Variants in ABCA13 observed in about 807,000 individuals in gnomAD.
The protein encoded by ABCA13 is ATP binding cassette subfamily A member 13.
In ABCA13, 476 loss-of-function variants were observed where a neutral mutation model predicts 478.7. The ratio of observed to expected loss-of-function variants is 0.99; its 90% CI spans 0.92 to 1.07. ABCA13 has a LOEUF of 1.07. ABCA13 is among the 50% of genes least tolerant of loss of function. ABCA13 has a pLI of 0.00. For missense variants in ABCA13, 6,060 were observed against 5,910.6 expected, an observed-to-expected ratio of 1.03 and a Z score of -0.83; for synonymous variants, 2,252 against 2,158.9, an observed-to-expected ratio of 1.04 and a Z score of -1.20.
At chr7:48,280,613 C>T (rs1033810877) in intron 18 of ABCA13, among the ~76,000 whole-genome samples, 2 of 149,436 alleles carry the variant, frequency 1.3e-5, no homozygotes, top group African/African-American at 2.4e-5. Context: ...GGTCCCTGGT[C>T]TCTGTTTCTC....
At chr7:48,221,187 T>C in intron 4 of ABCA13, 94 bp from the exon 5 acceptor site, 2 of 632,772 alleles carry the variant, frequency 3.2e-6, no homozygotes, top group Non-Finnish European at 5.6e-6. Flanking sequence ...GGCTCTTGGA[T>C]ACTCCATTTG....
chr7:48,249,975 A>G (rs1284647016), intron 15 of ABCA13, among the ~76,000 whole-genome samples: 3 of 152,194 alleles, frequency 2.0e-5, no homozygotes, highest in Non-Finnish European at 4.4e-5. Flanking sequence ...CCTACTTCAG[A>G]CGCCAACCCC....
In ABCA13 at chr7:48,403,752, G is replaced by A. The variant is rs748058574; in HGVS notation, c.11943G>A (p.Lys3981=). The A allele has an allele frequency of 2.2e-5, 36 of 1,613,932 alleles. No homozygotes were observed. Among genetic ancestry groups the A allele is most frequent in the Non-Finnish European group, 3.1e-5 (36 of 1,179,908 alleles). ...CCCGAGCTCTGTCTGGAGGCCTGAA[G>A]AGGAAGCTCTCCCTTGGCATTGCTT... is the stretch of plus-strand genomic sequence containing the variant. ...KQTRALSGGL[K]RKLSLGIAFM... Residue 3981 remains lysine (K), a synonymous_variant, in exon 39 of 62, where the codon AAG becomes AAA. Transcript: ENST00000435803.
chr7:48,632,215 G>C (rs1049721510), intron 59 of ABCA13, among the ~76,000 whole-genome samples: 8 of 151,940 alleles, frequency 5.3e-5, no homozygotes, highest in Admixed American at 5.2e-4. Flanking sequence ...GTCTCTGTAG[G>C]TCTAGAAGTA....
intron 15 of ABCA13, among the ~76,000 whole-genome samples, chr7:48,262,604 T>C (rs1794346560): frequency 6.6e-6 from 1 of 151,974 alleles, no homozygotes; most frequent in Non-Finnish European, 1.5e-5. Flanking sequence ...TCTATGTGGT[T>C]GTATATTTTT....
chr7:48,275,841 T>C lies in ABCA13; in HGVS notation c.6175T>C (p.Trp2059Arg), dbSNP rs755035860. The change falls in exon 17 of 62, where the codon TGG (tryptophan) becomes CGG (arginine). Residue 2059 changes from tryptophan (W) to arginine (R), a missense_variant. Coordinates refer to ENST00000435803, the MANE Select transcript of ABCA13 (RefSeq NM_152701.5). ...AACACCTTACAACTTTGAAGAACTATGGCCCAAGTTTCAACAAATCATGAA... is the reference window on the plus strand; with the variant it reads ...AACACCTTACAACTTTGAAGAACTACGGCCCAAGTTTCAACAAATCATGAA... ...SETPYNFEELWPKFQQIMKDL... is the reference protein window; with the variant it reads ...SETPYNFEELRPKFQQIMKDL... 9.3e-6 allele frequency: 15 copies of C among 1,613,360 alleles called. No individual in the cohort carries two copies. The highest frequency in any genetic ancestry group is 1.3e-5 in the Non-Finnish European group (15 of 1,179,766).
chr7:48,440,959 T>A (rs1823507664), intron 42 of ABCA13, among the ~76,000 whole-genome samples: 1 of 152,190 alleles, frequency 6.6e-6, no homozygotes, highest in Admixed American at 6.5e-5. Flanking sequence ...AAAATGTAAT[T>A]TTAGTTATCA....
Position 48,410,614 on chromosome 7 carries a change from C to T in ABCA13, c.12165C>T (p.Cys4055=), listed in dbSNP as rs147804711. 4.9e-4 allele frequency: 786 copies of T among 1,614,026 alleles called. 3 individuals are homozygous for T. In the African/African-American group the frequency reaches 7.3e-3, roughly 15 times the overall value. Residue 4055 remains cysteine, a synonymous_variant, in exon 40 of 62, where the codon TGC becomes TGT. Coordinates refer to ENST00000435803, the MANE Select transcript of ABCA13 (RefSeq NM_152701.5). The part of the protein sequence containing the change: ...AVLQHGRLRC[C]GPPFCLKEAY... ...TCCAGCATGGGAGGCTCAGGTGCTG[C>T]GGTCCTCCCTTCTGCCTGAAGGAGG... is the stretch of plus-strand genomic sequence containing the variant.
Position 48,278,234 on chromosome 7 carries a change from ACAATG to A in ABCA13, c.7041_7045del (p.Asp2347GlufsTer6). 1 of 1,609,588 alleles carries A rather than the reference ACAATG, an allele frequency of 6.2e-7. No homozygotes were observed. The highest frequency in any genetic ancestry group is 8.5e-7 in the Non-Finnish European group (1 of 1,177,184). On this transcript the variant is annotated frameshift_variant, in exon 18 of 62. Transcript: ENST00000435803. LOFTEE classifies it high-confidence loss of function. ...CTAATGAAAAGTTCATTTATATTAG[ACAATG>A]GAGAATTTTATTTTGATACTCATCA...
At chr7:48,206,150 A>T (rs1669284679) in intron 3 of ABCA13, among the ~76,000 whole-genome samples, 1 of 152,324 alleles carries the variant, frequency 6.6e-6, no homozygotes, top group South Asian at 2.1e-4. Flanking sequence ...TCTTTCACCC[A>T]GTAAAATGTT....
At chr7:48,644,983 T>G (rs548022285) in intron 61 of ABCA13, among the ~76,000 whole-genome samples, 1 of 152,314 alleles carries the variant, frequency 6.6e-6, no homozygotes, top group South Asian at 2.1e-4. Flanking sequence ...TCATATTATT[T>G]TGGGCATTTA....
intron 1 of ABCA13, among the ~76,000 whole-genome samples, chr7:48,173,882 A>G (rs907656371): frequency 2.0e-5 from 3 of 152,236 alleles, no homozygotes; most frequent in African/African-American, 7.2e-5. Flanking sequence ...CTTATTTGGT[A>G]GAAATGGGTG....
chr7:48,382,152 A>G (rs1320453860), intron 35 of ABCA13, among the ~76,000 whole-genome samples: 1 of 152,080 alleles, frequency 6.6e-6, no homozygotes, highest in Non-Finnish European at 1.5e-5. Context: ...TTCAGGCCTC[A>G]CTGTGCCTGA....
chr7:48,314,599 C>T (rs1802274707), intron 26 of ABCA13, among the ~76,000 whole-genome samples, 190 bp downstream of exon 26: 1 of 152,140 alleles, frequency 6.6e-6, no homozygotes, highest in African/African-American at 2.4e-5. Flanking sequence ...TGAGCACAGA[C>T]AAATCCTCTC....
At chr7:48,177,358 T>C (rs1243457056) in intron 1 of ABCA13, among the ~76,000 whole-genome samples, 1 of 152,212 alleles carries the variant, frequency 6.6e-6, no homozygotes, top group Non-Finnish European at 1.5e-5. Flanking sequence ...ACTGCTCCTA[T>C]GGCTAGAGGT....
intron 41 of ABCA13, among the ~76,000 whole-genome samples, chr7:48,424,043 G>T (rs1228017896): frequency 1.3e-5 from 2 of 152,204 alleles, no homozygotes; most frequent in African/African-American, 4.8e-5. Context: ...ACCACCAAAA[G>T]AGGAGGAAGA....
At chr7:48,472,646 C>T (rs546303643) in intron 45 of ABCA13, among the ~76,000 whole-genome samples, 54 of 152,006 alleles carry the variant, frequency 3.6e-4, no homozygotes, top group African/African-American at 9.2e-4. Context: ...CTCAAAAAAG[C>T]GTTGTCATTT....
At chr7:48,416,495 A>G (rs113263882) in intron 41 of ABCA13, among the ~76,000 whole-genome samples, 209 of 152,144 alleles carry the variant, frequency 1.4e-3, no homozygotes, top group African/African-American at 4.9e-3. Context: ...CTACCTTGGC[A>G]CCCTTACCTG....
Position 48,274,806 on chromosome 7 carries a change from G to T in ABCA13, c.5140G>T (p.Glu1714Ter), listed in dbSNP as rs866373680. Residue 1714 changes from glutamate to a stop codon, truncating the protein, a stop_gained, in exon 17 of 62, where the codon GAA (glutamate) becomes TAA (stop). Transcript: ENST00000435803. LOFTEE classifies it high-confidence loss of function. ...GGTCAATTTGCTTGTTGGCTTGATGGAAAAATTTGCAGACAGCTCACATTC... is the reference window on the plus strand; with the variant it reads ...GGTCAATTTGCTTGTTGGCTTGATGTAAAAATTTGCAGACAGCTCACATTC... ...LVVNLLVGLM[E>*]KFADSSHSWN... 7.4e-6 allele frequency: 12 copies of T among 1,613,950 alleles called. No individual in the cohort carries two copies. Among genetic ancestry groups the T allele is most frequent in the Middle Eastern group, 3.3e-4 (2 of 6,062 alleles).
Sources: allele counts gnomAD v4.1 joint callset (sites outside exome capture counted in the v4.1 genomes callset), GRCh38; gene constraint gnomAD v4.1.1; transcripts MANE v1.5; gene names NCBI Gene and HGNC (gene_info 2026-07-23, HGNC 2026-07-21).